The following TNXB variants were observed in gnomAD, a reference collection of about 807,000 sequenced individuals.
The protein encoded by TNXB is tenascin-X.
A neutral mutation model predicts 340.5 loss-of-function variants in TNXB; 183 were observed. The observed-to-expected ratio is 0.54, with a 90% confidence interval of 0.48 to 0.61. The LOEUF is 0.61. Ranked by LOEUF, TNXB falls within the 20% of genes least tolerant of loss-of-function variation. The pLI, the probability that TNXB is intolerant of heterozygous loss-of-function variation, is 0.00. For missense variants in TNXB, 4,613 were observed against 5,446.4 expected, an observed-to-expected ratio of 0.85 and a Z score of 4.82; for synonymous variants, 2,121 against 2,314.5, an observed-to-expected ratio of 0.92 and a Z score of 2.40.
At chr6:32,048,707 C>G in intron 28 of TNXB, 57 bp from the exon 29 acceptor site, 1 of 1,366,872 alleles carries the variant, frequency 7.3e-7, no homozygotes, top group East Asian at 2.5e-5. Context: ...GCAAGGGAGG[C>G]AGTGCTCTCC....
At position 32,067,956 on chromosome 6, in the gene TNXB, T is replaced by G. The variant is rs949180365; in HGVS notation, c.6249A>C (p.Thr2083=). ...TAAEEETPSP[T]EPSMEAPEPA... is the part of the protein sequence containing the mutation. The stretch of plus-strand genomic sequence containing the variant: ...GCTCCGGGGCCTCCATGCTGGGTTC[T>G]GTGGGGCTGGGGGTCTCTTCCTCTG... Residue 2083 remains threonine, a synonymous_variant, in exon 18 of 44, where the codon ACA becomes ACC. Transcript: ENST00000644971. This position sits in a 1 kb window ranked among gnomAD's most constrained non-coding sequence, Gnocchi z 4.2. 2.5e-6 allele frequency: 4 copies of G among 1,612,028 alleles called. No individual in the cohort carries two copies. The African/African-American group carries it at 4.0e-5, about 16-fold the overall frequency.
In TNXB at chr6:32,108,723, G is replaced by A. The variant is rs887246818; in HGVS notation, c.-9+458C>T. 6.6e-6 allele frequency among the ~76,000 whole-genome samples: 1 copy of A among 152,084 alleles called. No individual in the cohort carries two copies. The highest frequency in any genetic ancestry group is 1.5e-5 in the Non-Finnish European group (1 of 68,012). ...TGGAGCCTGGAGCCCCCAGAGCCTG[G>A]GCTCAGCTGCTCTAGCCCGACATTT... On this transcript the variant is annotated intron_variant, in intron 1 of 43. Transcript: ENST00000644971. This position sits in a 1 kb window ranked among gnomAD's most constrained non-coding sequence, Gnocchi z 4.8.
In TNXB at chr6:32,067,660, C is replaced by G; in HGVS notation, c.6544+1G>C. The G allele has an allele frequency of 1.2e-6, 2 of 1,612,830 alleles. No homozygotes were observed. Among genetic ancestry groups the G allele is most frequent in the South Asian group, 1.1e-5 (1 of 91,046 alleles). ...CAGAGGGCTCTGCAGTGCACACTCACCCGTGACGCCCACAGCAGACACTGG... is the reference window on the plus strand; with the variant it reads ...CAGAGGGCTCTGCAGTGCACACTCAGCCGTGACGCCCACAGCAGACACTGG... On this transcript the variant is annotated splice_donor_variant, in intron 18 of 43. Coordinates refer to ENST00000644971, the MANE Select transcript of TNXB (RefSeq NM_001365276.2). LOFTEE classifies it high-confidence loss of function. The surrounding 1 kb of genome is among the most constrained non-coding windows in gnomAD (Gnocchi z 4.2).
chr6:32,068,786 C>G lies in TNXB; in HGVS notation c.5902+36G>C, dbSNP rs769432397. The G allele has an allele frequency of 6.3e-7, 1 of 1,592,218 alleles. No homozygotes were observed. Among genetic ancestry groups the G allele is most frequent in the South Asian group, 1.1e-5 (1 of 87,564 alleles). On this transcript the variant is annotated intron_variant, in intron 16 of 43. Coordinates refer to ENST00000644971, the MANE Select transcript of TNXB (RefSeq NM_001365276.2). This position sits in a 1 kb window ranked among gnomAD's most constrained non-coding sequence, Gnocchi z 5.3. ...TCTGCTGTCCTCTGGACTCTCCCAG[C>G]CATCTGAAAGGAGGCATAGTGGGCA... is the stretch of plus-strand genomic sequence containing the variant.
At position 32,058,574 on chromosome 6, in the gene TNXB, G is replaced by A. The variant is rs903906843; in HGVS notation, c.7493-184C>T. 2.0e-5 allele frequency among the ~76,000 whole-genome samples: 3 copies of A among 151,768 alleles called. No homozygotes were observed. The highest frequency in any genetic ancestry group is 4.9e-5 in the African/African-American group (2 of 41,064). On this transcript the variant is annotated intron_variant, in intron 21 of 43. Transcript: ENST00000644971. This position sits in a 1 kb window ranked among gnomAD's most constrained non-coding sequence, Gnocchi z 5.1. ...GCCGGTGAGGTATCCCCGAGCCCCC[G>A]GCCTGTACTGCTGGCAGAGCTGCAC...
chr6:32,061,375 C>T lies in TNXB; in HGVS notation c.7492+22G>A, dbSNP rs535631874. 9.3e-6 allele frequency: 15 copies of T among 1,604,718 alleles called. No homozygotes were observed. Among genetic ancestry groups the T allele is most frequent in the South Asian group, 6.6e-5 (6 of 90,822 alleles). On this transcript the variant is annotated intron_variant, in intron 21 of 43. Transcript: ENST00000644971. The surrounding 1 kb of genome is among the most constrained non-coding windows in gnomAD (Gnocchi z 4.4). ...ACCCATGAGGGAAAGGTGGTTACCC[C>T]GAGACTCCAAGCACTACTCACCAGT...
At chr6:32,048,795 C>T in intron 28 of TNXB, 145 bp from the exon 29 acceptor site, 1 of 864,732 alleles carries the variant, frequency 1.2e-6, no homozygotes. Flanking sequence ...TTGCTGTAAG[C>T]AGCTCACAAA....
In TNXB at chr6:32,061,525, A is replaced by T. The variant is rs1778009837; in HGVS notation, c.7364T>A (p.Val2455Glu). Residue 2455 changes from valine (V) to glutamate (E), a missense_variant, in exon 21 of 44, where the codon GTG (valine) becomes GAG (glutamate). Transcript: ENST00000644971. This position sits in a 1 kb window ranked among gnomAD's most constrained non-coding sequence, Gnocchi z 4.4. ...YKDRDGRPQV[V>E]RVGGEESEVT... Reference sequence around the variant, plus strand: ...CTCGCTCTCCTCGCCCCCAACACGCACCACCTGGGGCCGCCCGTCCCTGTC... The same window carrying T: ...CTCGCTCTCCTCGCCCCCAACACGCTCCACCTGGGGCCGCCCGTCCCTGTC... 2 of 1,613,350 alleles carry T rather than the reference A, an allele frequency of 1.2e-6. No homozygotes were observed. The highest frequency in any genetic ancestry group is 1.7e-6 in the Non-Finnish European group (2 of 1,179,880).
At chr6:32,102,704 G>A (rs187363060) in intron 1 of TNXB, among the ~76,000 whole-genome samples, 3 of 151,814 alleles carry the variant, frequency 2.0e-5, no homozygotes, top group Non-Finnish European at 4.4e-5. Flanking sequence ...GGCGGATCAC[G>A]AGGTCAAGAG....
At position 32,085,636 on chromosome 6, in the gene TNXB, C is replaced by G; in HGVS notation, c.3148+114G>C. On this transcript the variant is annotated intron_variant, in intron 7 of 43. Transcript: ENST00000644971. This position sits in a 1 kb window ranked among gnomAD's most constrained non-coding sequence, Gnocchi z 6.4. ...CTTTTCTCCTCTATCCAGCCCCAAA[C>G]ATCAGCCCTGCCCTTCACTGGCCCC... 7.9e-7 allele frequency: 1 copy of G among 1,264,422 alleles called. No individual in the cohort carries two copies. Among genetic ancestry groups the G allele is most frequent in the Admixed American group, 3.0e-5 (1 of 33,222 alleles). The allele number at this position is 1,264,422 out of a possible 1,614,324, so 78.3% of individuals were successfully genotyped here. A position where few individuals can be genotyped will look rare whatever the true frequency, so the allele number is the denominator to read the frequency against.
rs771115433 is a variant in TNXB at position 32,056,166 on chromosome 6, C to T, written c.8152G>A (p.Glu2718Lys). 2 of 1,611,066 alleles carry T rather than the reference C, an allele frequency of 1.2e-6. No individual in the cohort carries two copies. The highest frequency in any genetic ancestry group is 8.5e-7 in the Non-Finnish European group (1 of 1,178,656). ...AGTTCCGTGGGGCTGGGGGTCTCTTCCTCTGCAGCTGAGAAAAGGAGATAT... is the reference window on the plus strand; with the variant it reads ...AGTTCCGTGGGGCTGGGGGTCTCTTTCTCTGCAGCTGAGAAAAGGAGATAT... Reference protein sequence around the residue: ...ISVIGVTAAEEETPSPTELST... With the variant: ...ISVIGVTAAEKETPSPTELST... The change falls in exon 24 of 44, where the codon GAA (glutamate) becomes AAA (lysine). Residue 2718 changes from glutamate to lysine, a missense_variant. Physicochemically the swap from Glu to Lys is moderately conservative, Grantham distance 56 (BLOSUM62 1). Around this residue, in one of 7 missense-constraint regions of TNXB, gnomAD observed 4,327 missense variants for 4,859.4 expected, o/e 0.89. Transcript: ENST00000644971.
rs757265209 is a variant in TNXB, at chr6:32,049,545, G to A, written c.9482C>T (p.Pro3161Leu). Residue 3161 changes from proline to leucine, a missense_variant, in exon 28 of 44, where the codon CCG (proline) becomes CTG (leucine). Pro to Leu is a moderately conservative substitution (Grantham distance 98). This residue lies in a region of TNXB where 4,327 missense variants were observed against 4,859.4 expected (regional missense o/e 0.89). Transcript: ENST00000644971. This position sits in a 1 kb window ranked among gnomAD's most constrained non-coding sequence, Gnocchi z 4.5. ...PSPTEPSTEA[P>L]EAPEEPLLGE... Reference sequence around the variant, plus strand: ...CAGGAGCGGCTCCTCAGGGGCCTCCGGGGCCTCAGTGCTGGGTTCTGTGGG... The same window carrying A: ...CAGGAGCGGCTCCTCAGGGGCCTCCAGGGCCTCAGTGCTGGGTTCTGTGGG... The A allele has an allele frequency of 1.2e-6, 2 of 1,612,488 alleles. No individual in the cohort carries two copies. Among genetic ancestry groups the A allele is most frequent in the South Asian group, 1.1e-5 (1 of 91,056 alleles).
At position 32,084,396 on chromosome 6, in the gene TNXB, T is replaced by C. The variant is rs1779648319; in HGVS notation, c.3445+17A>G. 2 of 1,571,574 alleles carry C rather than the reference T, an allele frequency of 1.3e-6. No homozygotes were observed. Among genetic ancestry groups the C allele is most frequent in the Admixed American group, 3.4e-5 (2 of 58,836 alleles). On this transcript the variant is annotated intron_variant, in intron 8 of 43. Coordinates refer to ENST00000644971, the MANE Select transcript of TNXB (RefSeq NM_001365276.2). The surrounding 1 kb of genome is among the most constrained non-coding windows in gnomAD (Gnocchi z 5.5). ...TCAGGGCAGTACAGAGGGCAGGGTG[T>C]TACTGCTGTCACTCACAGATCTTGG...
rs568431357 is a variant in TNXB at position 32,081,922 on chromosome 6, C to T, written c.3736+114G>A. 15 of 1,092,208 alleles carry T rather than the reference C, an allele frequency of 1.4e-5. No individual in the cohort carries two copies. Among genetic ancestry groups the T allele is most frequent in the Non-Finnish European group, 1.7e-5 (13 of 764,334 alleles). 67.7% of individuals were successfully genotyped at this position (1,092,208 alleles called of 1,614,324 possible). ...CTGCCCCTCAGCCCTGGAGTGGGGC[C>T]GGGAAGCTGGAGTCAGCTGTCTTGC... On this transcript the variant is annotated intron_variant, in intron 9 of 43. Transcript: ENST00000644971. This position sits in a 1 kb window ranked among gnomAD's most constrained non-coding sequence, Gnocchi z 5.1.
At chr6:32,066,721 C>T (rs1015767853) in intron 18 of TNXB, among the ~76,000 whole-genome samples, 12 of 152,136 alleles carry the variant, frequency 7.9e-5, no homozygotes, top group African/African-American at 2.9e-4. Flanking sequence ...GTAAGTTGTA[C>T]ACTAAAAACA....
rs1562823623 is a variant in TNXB, at chr6:32,067,220, G to A, written c.6544+441C>T. On this transcript the variant is annotated intron_variant, in intron 18 of 43. Coordinates refer to ENST00000644971, the MANE Select transcript of TNXB (RefSeq NM_001365276.2). The surrounding 1 kb of genome is among the most constrained non-coding windows in gnomAD (Gnocchi z 4.2). ...GTGATTCTAGTGGAGGAAGTGGGTG[G>A]GGCAGAGATGAGCCAGACTGGCCAG... Among the ~76,000 whole-genome samples, 2 of 151,592 alleles carry A rather than the reference G, an allele frequency of 1.3e-5. No homozygotes were observed. The highest frequency in any genetic ancestry group is 2.9e-5 in the Non-Finnish European group (2 of 67,880).
At chr6:32,091,720 C>T (rs1045320873) in intron 4 of TNXB, among the ~76,000 whole-genome samples, 1 of 152,080 alleles carries the variant, frequency 6.6e-6, no homozygotes, top group Non-Finnish European at 1.5e-5. Flanking sequence ...ATGATCCACC[C>T]ACTTTGGCCT....
Position 32,069,094 on chromosome 6 carries a change from G to C in TNXB, c.5630C>G (p.Pro1877Arg), listed in dbSNP as rs1274000966. 1 of 1,612,286 alleles carries C rather than the reference G, an allele frequency of 6.2e-7. No individual in the cohort carries two copies. The change falls in exon 16 of 44, where the codon CCT becomes CGT. Residue 1877 changes from proline (P) to arginine (R), a missense_variant. By Grantham distance (103) the Pro-to-Arg change is moderately radical. This residue lies in a region of TNXB where 4,327 missense variants were observed against 4,859.4 expected (regional missense o/e 0.89). Transcript: ENST00000644971. The surrounding 1 kb of genome is among the most constrained non-coding windows in gnomAD (Gnocchi z 6.2). ...CCCGAGGTGGGGCTCAGGCGCTGGA[G>C]GGGTCGGGGCCGTGGTCTCAGTTTC... ...ETETETTAPT[P>R]PAPEPHLGEL...
chr6:32,063,395 C>T (rs1358712701), intron 19 of TNXB, among the ~76,000 whole-genome samples: 1 of 143,952 alleles, frequency 6.9e-6, no homozygotes, highest in Non-Finnish European at 1.5e-5. Context: ...GACTCCATCT[C>T]AACATAAAGA....
Sources: allele counts gnomAD v4.1 joint callset (sites outside exome capture counted in the v4.1 genomes callset), GRCh38; gene constraint gnomAD v4.1.1; regional missense constraint gnomAD v4.1.1; non-coding constraint Gnocchi (gnomAD v3.1); transcripts MANE v1.5; gene names NCBI Gene and HGNC (gene_info 2026-07-23, HGNC 2026-07-21).